EPS15: variants seen among roughly 807,000 people sequenced by gnomAD.
EPS15 encodes epidermal growth factor receptor substrate 15.
Under a neutral mutation model 113.8 loss-of-function variants are expected in EPS15, and 72 were observed. The observed-to-expected ratio is 0.63, with a 90% CI of 0.52 to 0.77. The LOEUF (loss-of-function observed/expected upper bound fraction) is 0.77, where lower values mean the gene tolerates loss of function less well. Ranked by LOEUF, EPS15 falls within the 30% of genes least tolerant of loss-of-function variation. The pLI is 0.00. For missense variants in EPS15, 1,048 were observed against 1,045.8 expected, an observed-to-expected ratio of 1.00 and a Z score of -0.03; for synonymous variants, 344 against 363.4, an observed-to-expected ratio of 0.95 and a Z score of 0.61.
chr1:51,407,311 C>T (rs1649222155), intron 15 of EPS15, among the ~76,000 whole-genome samples: 1 of 152,106 alleles, frequency 6.6e-6, no homozygotes, highest in Non-Finnish European at 1.5e-5. Flanking sequence ...GATTCTCGTG[C>T]CTCAGCCTCC....
At chr1:51,388,494 C>CA (rs1237260397) in intron 21 of EPS15, among the ~76,000 whole-genome samples, 3 of 151,610 alleles carry the variant, frequency 2.0e-5, no homozygotes, top group Admixed American at 1.3e-4. Context: ...AGGAAACAGA[C>CA]AAAAAAGCCC....
At chr1:51,470,411 G>A (rs965321834) in intron 4 of EPS15, among the ~76,000 whole-genome samples, 1 of 152,084 alleles carries the variant, frequency 6.6e-6, no homozygotes, top group South Asian at 2.1e-4. Flanking sequence ...TTGGGAGGCC[G>A]AGGTGGGTGG....
At chr1:51,510,414 AT>A (rs1316868694) in intron 1 of EPS15, among the ~76,000 whole-genome samples, 4 of 152,268 alleles carry the variant, frequency 2.6e-5, no homozygotes, top group Non-Finnish European at 4.4e-5. Flanking sequence ...AATACAGAAG[AT>A]TAATGCCTAC....
Position 51,408,227 on chromosome 1 carries a change from T to C in EPS15, c.1381A>G (p.Thr461Ala), listed in dbSNP as rs747160642. ...TCTACACTCTCCTCCAATTCTGCTG[T>C]TTCTTGCTGTAGACGGCTCAGCTCT... ...REELSRLQQE[T>A]AELEESVESG... Residue 461 changes from threonine to alanine, a missense_variant, in exon 15 of 25, where the codon ACA (threonine) becomes GCA (alanine). Thr to Ala is a moderately conservative substitution (Grantham distance 58, BLOSUM62 0). Coordinates refer to ENST00000371733, the MANE Select transcript of EPS15 (RefSeq NM_001981.3). 1 of 1,614,150 alleles carries C rather than the reference T, an allele frequency of 6.2e-7. No homozygotes were observed. The highest frequency in any genetic ancestry group is 8.5e-7 in the Non-Finnish European group (1 of 1,179,978).
intron 21 of EPS15, among the ~76,000 whole-genome samples, chr1:51,370,940 G>T (rs139730097): frequency 6.6e-6 from 1 of 151,426 alleles, no homozygotes; most frequent in Non-Finnish European, 1.5e-5. Context: ...TTTTGAGATG[G>T]AATCTTGCTC....
chr1:51,409,330 A>C lies in EPS15; in HGVS notation c.1275+205T>G, dbSNP rs543719417. On this transcript the variant is annotated intron_variant, in intron 14 of 24. Transcript: ENST00000371733. ...ATATTTCCAACAAAAATTTGGAAAAACAGTTCATTAACTGCCCTTCTATTT... is the reference window on the plus strand; with the variant it reads ...ATATTTCCAACAAAAATTTGGAAAACCAGTTCATTAACTGCCCTTCTATTT... Among the ~76,000 whole-genome samples, 8 of 152,326 alleles carry C rather than the reference A, an allele frequency of 5.3e-5. No homozygotes were observed. The South Asian group carries it at 1.5e-3, about 28-fold the overall frequency.
At chr1:51,465,203 A>G (rs1654756477) in intron 6 of EPS15, 58 bp downstream of exon 6, 1 of 1,044,024 alleles carries the variant, frequency 9.6e-7, no homozygotes, top group Non-Finnish European at 1.5e-6. Context: ...TCAGAGGTAG[A>G]GAGAGAGTAG....
rs576346261 is a variant in EPS15, at chr1:51,517,545, G to C, written c.33+1654C>G. Among the ~76,000 whole-genome samples the C allele has an allele frequency of 5.9e-5, 9 of 152,312 alleles. No homozygotes were observed. The South Asian group carries it at 8.3e-4, about 14-fold the overall frequency. The stretch of plus-strand genomic sequence containing the variant: ...AATCTTCAAGGGAAAACTCCTGCCA[G>C]AATTGGCCAACAGAGCCAGAAAACA... On this transcript the variant is annotated intron_variant, in intron 1 of 24. Coordinates refer to ENST00000371733, the MANE Select transcript of EPS15 (RefSeq NM_001981.3).
chr1:51,453,614 A>G (rs1653747990), intron 8 of EPS15, among the ~76,000 whole-genome samples: 1 of 152,210 alleles, frequency 6.6e-6, no homozygotes, highest in Non-Finnish European at 1.5e-5. Flanking sequence ...TTAAGGAAGA[A>G]GCATTTAGAA....
chr1:51,370,255 C>T (rs1646613725), intron 21 of EPS15, among the ~76,000 whole-genome samples: 1 of 152,178 alleles, frequency 6.6e-6, no homozygotes, highest in African/African-American at 2.4e-5. Flanking sequence ...CCAGTCGTAT[C>T]AAAGTATAGC....
chr1:51,465,395 T>C, intron 5 of EPS15, 69 bp from the exon 6 acceptor site: 1 of 1,099,108 alleles, frequency 9.1e-7, no homozygotes, highest in Non-Finnish European at 1.4e-6. Context: ...GAAAAAATGG[T>C]TTTTGGATTT....
At chr1:51,377,741 A>T (rs1570127967) in intron 21 of EPS15, among the ~76,000 whole-genome samples, 1 of 152,284 alleles carries the variant, frequency 6.6e-6, no homozygotes, top group African/African-American at 2.4e-5. Context: ...GAGTCAATTG[A>T]TGTGACAAAC....
intron 8 of EPS15, among the ~76,000 whole-genome samples, chr1:51,450,650 C>T (rs1653470630): frequency 1.3e-5 from 2 of 151,720 alleles, no homozygotes; most frequent in South Asian, 2.1e-4. Context: ...TGGTACCACC[C>T]CTATGAAGGG....
At chr1:51,381,035 C>T (rs1275642855) in intron 21 of EPS15, among the ~76,000 whole-genome samples, 1 of 152,122 alleles carries the variant, frequency 6.6e-6, no homozygotes, top group South Asian at 2.1e-4. Flanking sequence ...TCAATATATA[C>T]ATTAAACACT....
Position 51,481,051 on chromosome 1 carries a change from A to G in EPS15, c.75+222T>C, listed in dbSNP as rs375118312. Among the ~76,000 whole-genome samples, 167 of 152,372 alleles carry G rather than the reference A, an allele frequency of 1.1e-3. 1 individual carries two copies. The highest frequency in any genetic ancestry group is 4.0e-3 in the African/African-American group (165 of 41,600). ...TCTATCAAATGTATACATTTTCAAC[A>G]TAGATATTTAAGACAACTAAGTACT... On this transcript the variant is annotated intron_variant, in intron 2 of 24. Transcript: ENST00000371733.
At position 51,481,280 on chromosome 1, in the gene EPS15, T is replaced by C. The variant is rs1413422217; in HGVS notation, c.68A>G (p.Tyr23Cys). 2.2e-6 allele frequency: 3 copies of C among 1,368,348 alleles called. No individual in the cohort carries two copies. Among genetic ancestry groups the C allele is most frequent in the African/African-American group, 2.9e-5 (2 of 70,088 alleles). 84.8% of individuals were successfully genotyped at this position (1,368,348 alleles called of 1,614,324 possible). ...SSGNPVYEKY[Y>C]RQVDTGNTGR... ...ATGAAACAAAAATCTTACCTGTCTA[T>C]AGTATTTTTCATATACAGGATTCCC... The change falls in exon 2 of 25, where the codon TAT (tyrosine) becomes TGT (cysteine). Residue 23 changes from tyrosine (Y) to cysteine (C), a missense_variant. Physicochemically the swap from Tyr to Cys is radical, Grantham distance 194 (BLOSUM62 -2). Coordinates refer to ENST00000371733, the MANE Select transcript of EPS15 (RefSeq NM_001981.3).
At chr1:51,457,727 T>C (rs1332121979) in intron 8 of EPS15, 2 of 152,136 alleles carry the variant, frequency 1.3e-5, no homozygotes, top group African/African-American at 2.4e-5. Flanking sequence ...TTTTCCACTT[T>C]GTGGGTCATG....
At chr1:51,376,206 T>C (rs1291911843) in intron 21 of EPS15, among the ~76,000 whole-genome samples, 3 of 152,246 alleles carry the variant, frequency 2.0e-5, no homozygotes, top group Admixed American at 6.5e-5. Flanking sequence ...CCAATGCTCA[T>C]TGACCATTCT....
In EPS15 at chr1:51,388,638, C is replaced by G. The variant is rs563209915; in HGVS notation, c.2119+5743G>C. ...CAATAAAAACTGATAAAGGGGATATCACCACCGATCCCACAGAAATACAAA... is the reference window on the plus strand; with the variant it reads ...CAATAAAAACTGATAAAGGGGATATGACCACCGATCCCACAGAAATACAAA... On this transcript the variant is annotated intron_variant, in intron 21 of 24. Coordinates refer to ENST00000371733, the MANE Select transcript of EPS15 (RefSeq NM_001981.3). 3.3e-5 allele frequency among the ~76,000 whole-genome samples: 5 copies of G among 152,216 alleles called. No individual in the cohort carries two copies. The South Asian group carries it at 1.0e-3, about 32-fold the overall frequency.
Sources: allele counts gnomAD v4.1 joint callset (sites outside exome capture counted in the v4.1 genomes callset), GRCh38; gene constraint gnomAD v4.1.1; transcripts MANE v1.5; gene names NCBI Gene and HGNC (gene_info 2026-07-23, HGNC 2026-07-21).